The following CADPS2 variants were observed in gnomAD, a reference collection of about 807,000 sequenced individuals.
The protein encoded by CADPS2 is calcium-dependent secretion activator 2.
CADPS2 carries 93 observed loss-of-function variants against 172.5 expected under a neutral mutation model. The ratio of observed to expected loss-of-function variants is 0.54; its 90% confidence interval spans 0.46 to 0.64. The LOEUF (loss-of-function observed/expected upper bound fraction) is 0.64. Ranked by LOEUF, CADPS2 falls within the 30% of genes least tolerant of loss-of-function variation. The pLI is 0.00. For missense variants in CADPS2, 1,420 were observed against 1,565.9 expected (o/e 0.91, Z 1.57); for synonymous variants, 546 against 555.2 (o/e 0.98, Z 0.23).
chr7:122,668,944 A>T (rs2081475230), intron 2 of CADPS2, among the ~76,000 whole-genome samples: 1 of 152,158 alleles, frequency 6.6e-6, no homozygotes, highest in South Asian at 2.1e-4. Flanking sequence ...TTCCTCCATC[A>T]AAACAGAAGG....
At chr7:122,688,220 A>G (rs2083881182) in intron 2 of CADPS2, among the ~76,000 whole-genome samples, 1 of 152,262 alleles carries the variant, frequency 6.6e-6, no homozygotes, top group Non-Finnish European at 1.5e-5. Flanking sequence ...GTTAGGATGT[A>G]GAGAGGTTTT....
chr7:122,551,423 G>A (rs1463352351), intron 8 of CADPS2, among the ~76,000 whole-genome samples: 7 of 151,970 alleles, frequency 4.6e-5, no homozygotes, highest in Admixed American at 4.6e-4. Flanking sequence ...TTAGAGTACA[G>A]TTGAGAACAC....
At chr7:122,762,313 A>G (rs1012660709) in intron 1 of CADPS2, among the ~76,000 whole-genome samples, 1 of 152,042 alleles carries the variant, frequency 6.6e-6, no homozygotes, top group Non-Finnish European at 1.5e-5. Flanking sequence ...GAGAAGAGAA[A>G]GCTATTAATA....
chr7:122,484,135 C>A (rs891401167), intron 11 of CADPS2, among the ~76,000 whole-genome samples: 4 of 152,090 alleles, frequency 2.6e-5, no homozygotes, highest in Non-Finnish European at 5.9e-5. Context: ...TATATATAAA[C>A]AATTATTTGT....
intron 5 of CADPS2, among the ~76,000 whole-genome samples, chr7:122,620,884 T>C (rs544672495): frequency 6.6e-6 from 1 of 152,204 alleles, no homozygotes; most frequent in East Asian, 1.9e-4. Flanking sequence ...TGCGTTTTGA[T>C]GCTTATTTTA....
intron 20 of CADPS2, among the ~76,000 whole-genome samples, chr7:122,397,529 A>C (rs2045317733): frequency 6.6e-6 from 1 of 151,808 alleles, no homozygotes; most frequent in Non-Finnish European, 1.5e-5. Context: ...AAGGAAAGAG[A>C]ATATTTGGTT....
chr7:122,701,618 A>C, intron 2 of CADPS2: 1 of 359,688 alleles, frequency 2.8e-6, no homozygotes, highest in Non-Finnish European at 4.9e-6. Context: ...AATAAAATTC[A>C]CCTAAAAAAA....
intron 15 of CADPS2, among the ~76,000 whole-genome samples, chr7:122,447,183 A>G (rs2052367097): frequency 6.6e-6 from 1 of 151,950 alleles, no homozygotes; most frequent in Admixed American, 6.6e-5. Context: ...AATGTTCTAG[A>G]CAACTGAGAC....
At chr7:122,869,514 C>A (rs1819204014) in intron 1 of CADPS2, among the ~76,000 whole-genome samples, 1 of 151,866 alleles carries the variant, frequency 6.6e-6, no homozygotes, top group Non-Finnish European at 1.5e-5. Context: ...GGAGATAAAA[C>A]TTTCTCAGAC....
intron 6 of CADPS2, among the ~76,000 whole-genome samples, chr7:122,602,201 A>C (rs2072886793): frequency 6.6e-6 from 1 of 152,000 alleles, no homozygotes; most frequent in South Asian, 2.1e-4. Flanking sequence ...TTAAGGAAAA[A>C]AAAAAAGTTT....
chr7:122,857,307 T>C (rs569954137), intron 1 of CADPS2, among the ~76,000 whole-genome samples: 14 of 152,202 alleles, frequency 9.2e-5, no homozygotes, highest in Admixed American at 2.0e-4. Context: ...TACTTTACTA[T>C]AGGCGTATAT....
At chr7:122,641,197 G>T (rs1274431412) in intron 3 of CADPS2, among the ~76,000 whole-genome samples, 1 of 151,964 alleles carries the variant, frequency 6.6e-6, no homozygotes, top group African/African-American at 2.4e-5. Flanking sequence ...TTTTTAAAAG[G>T]GCCGTTAATC....
intron 2 of CADPS2, among the ~76,000 whole-genome samples, chr7:122,701,348 C>A (rs1006627112): frequency 1.3e-5 from 2 of 152,044 alleles, no homozygotes; most frequent in African/African-American, 4.8e-5. Flanking sequence ...GGACAAAAAA[C>A]CAAACACCGC....
intron 7 of CADPS2, among the ~76,000 whole-genome samples, chr7:122,580,484 C>T (rs1343124517): frequency 1.3e-5 from 2 of 150,054 alleles, no homozygotes; most frequent in African/African-American, 2.4e-5. Flanking sequence ...AAAAAATTCA[C>T]ATTACAGAAG....
chr7:122,767,646 T>C (rs568352392), intron 1 of CADPS2, among the ~76,000 whole-genome samples: 2 of 152,260 alleles, frequency 1.3e-5, no homozygotes, highest in East Asian at 3.9e-4. Flanking sequence ...CCCCGGGACC[T>C]ACCCATAGAT....
chr7:122,832,208 CT>C (rs1806762693), intron 1 of CADPS2, among the ~76,000 whole-genome samples: 1 of 151,194 alleles, frequency 6.6e-6, no homozygotes. Context: ...AGGTTACTTT[CT>C]TTAAAGTATT....
At position 122,729,199 on chromosome 7, in the gene CADPS2, A is replaced by G. The variant is rs141614888; in HGVS notation, c.453+7756T>C. On this transcript the variant is annotated intron_variant, in intron 2 of 29. Coordinates refer to ENST00000449022, the MANE Select transcript of CADPS2 (RefSeq NM_017954.11). ...ATGTTGCTGCAGATGATAGGATTTC[A>G]TTCTTTTTTTTACGGTCAACAGTAT... Among the ~76,000 whole-genome samples the G allele has an allele frequency of 5.3e-3, 808 of 151,830 alleles. 10 individuals are homozygous for G. Among genetic ancestry groups the G allele is most frequent in the African/African-American group, 0.018 (762 of 41,474 alleles).
chr7:122,615,362 C>T (rs2074785233), intron 5 of CADPS2, 63 bp from the exon 6 acceptor site: 2 of 1,103,836 alleles, frequency 1.8e-6, no homozygotes, highest in South Asian at 1.7e-5. Flanking sequence ...TATACATAAA[C>T]AGCAGCATGA....
At chr7:122,756,697 G>A (rs575614679) in intron 1 of CADPS2, among the ~76,000 whole-genome samples, 77 of 152,206 alleles carry the variant, frequency 5.1e-4, no homozygotes, top group African/African-American at 1.8e-3. Flanking sequence ...TCAGGAGTTC[G>A]AGACCAGCCT....
Sources: allele counts gnomAD v4.1 joint callset (sites outside exome capture counted in the v4.1 genomes callset), GRCh38; gene constraint gnomAD v4.1.1; transcripts MANE v1.5; gene names NCBI Gene and HGNC (gene_info 2026-07-23, HGNC 2026-07-21).